The following TNFSF14 variants were observed in gnomAD, a reference collection of about 807,000 sequenced individuals.
TNFSF14 encodes the protein tumor necrosis factor ligand superfamily member 14.
Under a neutral mutation model 22.7 loss-of-function variants are expected in TNFSF14, and 15 were observed. The ratio of observed to expected loss-of-function variants is 0.66; its 90% CI spans 0.44 to 1.02. The LOEUF is 1.02. Among genes scored for constraint, TNFSF14 ranks in the 50% least tolerant of loss-of-function variants. The probability of loss-of-function intolerance (pLI) is 0.00; values close to 1 mark genes in which losing one functional copy is unlikely to be tolerated. For missense variants in TNFSF14, 287 were observed against 326.2 expected (o/e 0.88, Z 0.93); for synonymous variants, 133 against 139.6 (o/e 0.95, Z 0.33).
At position 6,665,186 on chromosome 19, in the gene TNFSF14, G is replaced by A. The variant is rs768765926; in HGVS notation, c.463C>T (p.Pro155Ser). Reference sequence around the variant, plus strand: ...GTGATGGTGCTGGCCAGGCCCAGCGGGCAGCCCACACCGCCCAGCTGCACC... The same window carrying A: ...GTGATGGTGCTGGCCAGGCCCAGCGAGCAGCCCACACCGCCCAGCTGCACC... ...SKVQLGGVGC[P>S]LGLASTITHG... Residue 155 changes from proline (P) to serine (S), a missense_variant, in exon 4 of 4, where the codon CCG becomes TCG. Coordinates refer to ENST00000675206, the MANE Select transcript of TNFSF14 (RefSeq NM_001376887.1). 6.2e-7 allele frequency: 1 copy of A among 1,614,166 alleles called. No homozygotes were observed. Among genetic ancestry groups the A allele is most frequent in the Non-Finnish European group, 8.5e-7 (1 of 1,180,018 alleles).
intron 2 of TNFSF14, 72 bp from the exon 3 acceptor site, chr19:6,667,226 G>T: frequency 1.4e-6 from 2 of 1,472,304 alleles, no homozygotes; most frequent in Non-Finnish European, 1.8e-6. Flanking sequence ...AAGGGCCACC[G>T]TGTACACCTC....
chr19:6,669,479 G>A (rs536413581), intron 1 of TNFSF14, among the ~76,000 whole-genome samples: 4 of 152,186 alleles, frequency 2.6e-5, no homozygotes, highest in South Asian at 2.1e-4. Context: ...GTGAAACTCC[G>A]TCTCAAAAAT....
At chr19:6,666,092 G>T (rs942933140) in intron 3 of TNFSF14, among the ~76,000 whole-genome samples, 1 of 152,070 alleles carries the variant, frequency 6.6e-6, no homozygotes, top group African/African-American at 2.4e-5. Flanking sequence ...TAAGTGATTT[G>T]CCAAAAGTGT....
intron 1 of TNFSF14, among the ~76,000 whole-genome samples, chr19:6,667,996 C>T (rs1178369038): frequency 1.3e-5 from 2 of 152,160 alleles, no homozygotes; most frequent in Admixed American, 6.5e-5. Context: ...GATTGTGCCA[C>T]TGCACTCTAG....
At position 6,665,167 on chromosome 19, in the gene TNFSF14, G is replaced by A; in HGVS notation, c.482C>T (p.Thr161Ile). 6 of 1,614,104 alleles carry A rather than the reference G, an allele frequency of 3.7e-6. No homozygotes were observed. The highest frequency in any genetic ancestry group is 5.1e-6 in the Non-Finnish European group (6 of 1,180,002). Reference protein sequence around the residue: ...GVGCPLGLASTITHGLYKRTP... With the variant: ...GVGCPLGLASIITHGLYKRTP... ...GCGCTTGTAGAGGCCGTGGGTGATG[G>A]TGCTGGCCAGGCCCAGCGGGCAGCC... The change falls in exon 4 of 4, where the codon ACC becomes ATC. Residue 161 changes from threonine (T) to isoleucine (I), a missense_variant. Physicochemically the swap from Thr to Ile is moderately conservative, Grantham distance 89. Transcript: ENST00000675206.
chr19:6,665,469 C>T (rs1917389310), intron 3 of TNFSF14, 119 bp from the exon 4 acceptor site: 12 of 1,182,048 alleles, frequency 1.0e-5, no homozygotes, highest in East Asian at 2.6e-5. Context: ...AGTGTGGTGG[C>T]ATGATCTCGG....
Position 6,665,435 on chromosome 19 carries a change from G to A in TNFSF14, c.299-85C>T, listed in dbSNP as rs1380658508. The A allele has an allele frequency of 5.0e-6, 7 of 1,387,136 alleles. No homozygotes were observed. The South Asian group carries it at 1.0e-4, about 20-fold the overall frequency. 85.9% of individuals were successfully genotyped at this position (1,387,136 alleles called of 1,614,324 possible). A position where few individuals can be genotyped will look rare whatever the true frequency, so the allele number is the denominator to read the frequency against. Reference sequence around the variant, plus strand: ...TGTTTGTTTGTTTGTTTGACACAGAGTCTCGCTCTGTGGACCAGGCTGGAG... The same window carrying A: ...TGTTTGTTTGTTTGTTTGACACAGAATCTCGCTCTGTGGACCAGGCTGGAG... On this transcript the variant is annotated intron_variant, in intron 3 of 3. Coordinates refer to ENST00000675206, the MANE Select transcript of TNFSF14 (RefSeq NM_001376887.1).
intron 1 of TNFSF14, 42 bp from the exon 2 acceptor site, chr19:6,667,491 G>A: frequency 6.4e-7 from 1 of 1,567,598 alleles, no homozygotes; most frequent in Non-Finnish European, 8.6e-7. Flanking sequence ...CCTGCAGCGG[G>A]GGCCACGCCC....
chr19:6,669,652 C>T (rs1165721007), intron 1 of TNFSF14, among the ~76,000 whole-genome samples, 199 bp downstream of exon 1: 1 of 152,058 alleles, frequency 6.6e-6, no homozygotes, highest in Non-Finnish European at 1.5e-5. Context: ...GATGAAGACA[C>T]TGAGGTTCAG....
At chr19:6,670,249 GC>G (rs1245097112), upstream of TNFSF14, 12 of 1,430,716 alleles carry the variant, frequency 8.4e-6, no homozygotes, top group Admixed American at 3.3e-4. Flanking sequence ...GGTACCCGCC[GC>G]CCCCGGTCTT....
rs552144571 is a variant in TNFSF14, at chr19:6,663,483, G to A, written c.*1443C>T. 2.6e-5 allele frequency: 4 copies of A among 152,640 alleles called. No homozygotes were observed. Among genetic ancestry groups the A allele is most frequent in the African/African-American group, 9.6e-5 (4 of 41,558 alleles). The allele number at this position is 152,640 out of a possible 1,614,324, so 9.5% of individuals were successfully genotyped here. On this transcript the variant is annotated 3_prime_UTR_variant, in exon 4 of 4. Transcript: ENST00000675206. ...TGTTGTGTGTGTGTAATGTGTATTT[G>A]TCATGGTGATATTGTGTGTGTGTAT...
chr19:6,668,838 G>A (rs1003245940), intron 1 of TNFSF14, among the ~76,000 whole-genome samples: 12 of 152,228 alleles, frequency 7.9e-5, no homozygotes, highest in East Asian at 5.8e-4. Flanking sequence ...GCTCAGATGC[G>A]TGGACATGTG....
At chr19:6,670,425 G>T, upstream of TNFSF14, 1 of 384,878 alleles carries the variant, frequency 2.6e-6, no homozygotes, top group Non-Finnish European at 4.0e-6. Context: ...GCCCATGCCA[G>T]GCTCTGCTCT....
At position 6,670,013 on chromosome 19, in the gene TNFSF14, G is replaced by A. The variant is rs138116115; in HGVS notation, c.57C>T (p.Ile19=). The change falls in exon 1 of 4, where the codon ATC becomes ATT. Residue 19 remains isoleucine (I), a synonymous_variant. Transcript: ENST00000675206. ...SVFVVDGQTD[I]PFTRLGRSHR... The stretch of plus-strand genomic sequence containing the variant: ...GGCTTCGTCCCAGCCTCGTGAATGG[G>A]ATGTCGGTCTGTCCATCCACCACAA... 1.0e-3 allele frequency: 1,647 copies of A among 1,614,176 alleles called. 5 individuals are homozygous for A. The highest frequency in any genetic ancestry group is 8.8e-4 in the Non-Finnish European group (1,035 of 1,180,038).
chr19:6,667,530 A>G lies in TNFSF14; in HGVS notation c.220-81T>C, dbSNP rs957633346. 12 of 1,474,268 alleles carry G rather than the reference A, an allele frequency of 8.1e-6. No homozygotes were observed. In the South Asian group the frequency reaches 1.1e-4, roughly 13 times the overall value. 91.3% of individuals were successfully genotyped at this position (1,474,268 alleles called of 1,614,324 possible). ...CATTGCTCACACATGGCTATGAGAC[A>G]TGAGGACCATAGCCACCGACACCAC... On this transcript the variant is annotated intron_variant, in intron 1 of 3. Transcript: ENST00000675206.
upstream of TNFSF14, chr19:6,670,387 G>A (rs1037844761): frequency 2.5e-5 from 19 of 751,548 alleles, no homozygotes; most frequent in East Asian, 8.7e-4. Context: ...TTCGCTTGGG[G>A]CCACCAAATA....
chr19:6,666,631 C>G (rs1037725221), intron 3 of TNFSF14, among the ~76,000 whole-genome samples: 1 of 152,170 alleles, frequency 6.6e-6, no homozygotes, highest in African/African-American at 2.4e-5. Context: ...CCCGGTGGCT[C>G]ACGCCTGTAA....
In TNFSF14 at chr19:6,663,376, GTGTT is replaced by G. The variant is rs1917301360; in HGVS notation, c.*1546_*1549del. ...TGTCATTGTGATGTGTGTGTAATGT[GTGTT>G]TGTCATCGTGATGTTGTGTGTGTAA... On this transcript the variant is annotated 3_prime_UTR_variant, in exon 4 of 4. Transcript: ENST00000675206. 6.6e-6 allele frequency: 1 copy of G among 152,064 alleles called. No homozygotes were observed. Among genetic ancestry groups the G allele is most frequent in the African/African-American group, 2.4e-5 (1 of 41,306 alleles). The allele number at this position is 152,064 out of a possible 1,614,324, so 9.4% of individuals were successfully genotyped here. A position where few individuals can be genotyped will look rare whatever the true frequency, so the allele number is the denominator to read the frequency against.
At chr19:6,665,689 G>A (rs1485132549) in intron 3 of TNFSF14, among the ~76,000 whole-genome samples, 2 of 152,034 alleles carry the variant, frequency 1.3e-5, no homozygotes, top group Non-Finnish European at 2.9e-5. Flanking sequence ...GATTACAGGT[G>A]TGAGCCACCA....
Sources: gnomAD v4.1 joint callset for allele counts (sites outside exome capture counted in the v4.1 genomes callset) on GRCh38, gnomAD v4.1.1 for gene constraint, MANE v1.5 for transcripts, NCBI Gene and HGNC (gene_info 2026-07-23, HGNC 2026-07-21) for gene names.